APP: variants seen among roughly 807,000 people sequenced by gnomAD.
The protein encoded by APP is amyloid-beta precursor protein.
APP carries 31 observed loss-of-function variants against 101.4 expected under a neutral mutation model. That is an observed-to-expected ratio of 0.31 (90% confidence interval 0.23 to 0.41). APP has a LOEUF of 0.41. APP is among the 10% of genes least tolerant of loss of function. The pLI, the probability that APP is intolerant of heterozygous loss-of-function variation, is 1.00. For synonymous variants in APP, 366 were observed against 364.4 expected, an observed-to-expected ratio of 1.00 and a Z score of -0.05; for missense variants, 839 against 1,003.7, an observed-to-expected ratio of 0.84 and a Z score of 2.22.
intron 14 of APP, among the ~76,000 whole-genome samples, chr21:25,909,766 T>C (rs1281447413): frequency 2.0e-5 from 3 of 152,180 alleles, no homozygotes; most frequent in Non-Finnish European, 2.9e-5. Context: ...CCAAAATCTA[T>C]CTACCTGTAA....
chr21:25,895,588 A>G (rs1357129829), intron 16 of APP, among the ~76,000 whole-genome samples: 1 of 152,154 alleles, frequency 6.6e-6, no homozygotes. Context: ...AATTCTTTCA[A>G]TTTAGCCTCA....
At chr21:25,981,217 T>G (rs1237154750) in intron 9 of APP, among the ~76,000 whole-genome samples, 2 of 152,222 alleles carry the variant, frequency 1.3e-5, no homozygotes, top group African/African-American at 4.8e-5. Flanking sequence ...AAAGATTAAT[T>G]GTCTACTAAA....
intron 1 of APP, among the ~76,000 whole-genome samples, chr21:26,158,516 A>G (rs1017284147): frequency 2.0e-5 from 3 of 152,174 alleles, no homozygotes; most frequent in African/African-American, 7.2e-5. Context: ...TCGAGGTGTC[A>G]CTATCTGGCC....
At chr21:25,960,467 ACT>A (rs1301697049) in intron 11 of APP, among the ~76,000 whole-genome samples, 1 of 148,870 alleles carries the variant, frequency 6.7e-6, no homozygotes, top group Non-Finnish European at 1.5e-5. Context: ...CCTAGGCAAA[ACT>A]CTTGGTGGGC....
chr21:26,111,258 GAACT>G (rs1232532265), intron 2 of APP, among the ~76,000 whole-genome samples: 3 of 151,962 alleles, frequency 2.0e-5, no homozygotes, highest in South Asian at 2.1e-4. Flanking sequence ...ATATTTCATA[GAACT>G]AACATGATAG....
intron 8 of APP, among the ~76,000 whole-genome samples, chr21:25,989,922 TA>T (rs58821939): frequency 0.33 from 47,822 of 145,104 alleles, 8,612 homozygotes; most frequent in African/African-American, 0.51. Flanking sequence ...AAAGTGTCTC[TA>T]AAAAAAAAAA....
At chr21:26,003,680 A>G (rs1247472582) in intron 6 of APP, among the ~76,000 whole-genome samples, 1 of 152,220 alleles carries the variant, frequency 6.6e-6, no homozygotes, top group African/African-American at 2.4e-5. Context: ...ACTGGTTCTC[A>G]TCTGCTGACA....
At chr21:25,929,298 T>C (rs1209745734) in intron 13 of APP, among the ~76,000 whole-genome samples, 1 of 152,174 alleles carries the variant, frequency 6.6e-6, no homozygotes, top group Non-Finnish European at 1.5e-5. Context: ...TTACTAATTA[T>C]AAGAGTAACA....
intron 11 of APP, among the ~76,000 whole-genome samples, chr21:25,970,474 C>G (rs2041989246): frequency 6.6e-6 from 1 of 152,128 alleles, no homozygotes; most frequent in Admixed American, 6.5e-5. Context: ...CCAGCCTATC[C>G]TTCTCTGGCA....
intron 5 of APP, among the ~76,000 whole-genome samples, chr21:26,043,998 T>A (rs1391650617): frequency 1.3e-5 from 2 of 152,236 alleles, no homozygotes; most frequent in Non-Finnish European, 2.9e-5. Flanking sequence ...AATTATTTCA[T>A]CATTAGCCAT....
At chr21:26,121,772 C>T (rs985391931) in intron 1 of APP, among the ~76,000 whole-genome samples, 4 of 152,210 alleles carry the variant, frequency 2.6e-5, no homozygotes, top group Non-Finnish European at 5.9e-5. Flanking sequence ...AAGGCTTACG[C>T]TAATATGCTT....
At position 26,082,896 on chromosome 21, in the gene APP, C is replaced by A. The variant is rs541406384; in HGVS notation, c.355+7047G>T. On this transcript the variant is annotated intron_variant, in intron 3 of 17. Coordinates refer to ENST00000346798, the MANE Select transcript of APP (RefSeq NM_000484.4). ...TTGGTCAATTTTGTAGGACTTATTT[C>A]TCTGAGAATATTCAATTAACTACTT... Among the ~76,000 whole-genome samples, 178 of 152,204 alleles carry A rather than the reference C, an allele frequency of 1.2e-3. 8 individuals are homozygous for A. In the South Asian group the frequency reaches 0.034, roughly 29 times the overall value.
intron 5 of APP, among the ~76,000 whole-genome samples, chr21:26,043,962 T>C (rs1372696804): frequency 6.6e-6 from 1 of 152,212 alleles, no homozygotes; most frequent in East Asian, 1.9e-4. Flanking sequence ...TGTGTTCCTA[T>C]GTTACAAAAT....
chr21:26,008,588 G>C (rs771674157), intron 6 of APP, among the ~76,000 whole-genome samples: 9 of 152,146 alleles, frequency 5.9e-5, no homozygotes, highest in Non-Finnish European at 1.2e-4. Context: ...CCCACCATTG[G>C]TATTTCAAGC....
rs757700322 is a variant in APP at position 25,955,691 on chromosome 21, G to A, written c.1523C>T (p.Thr508Ile). The A allele has an allele frequency of 1.2e-6, 2 of 1,614,172 alleles. No homozygotes were observed. The highest frequency in any genetic ancestry group is 3.3e-5 in the Admixed American group (2 of 60,018). ...VRAEQKDRQHTLKHFEHVRMV... is the reference protein window; with the variant it reads ...VRAEQKDRQHILKHFEHVRMV... ...GCGCACATGCTCGAAATGCTTTAGGGTGTGCTGTCTGTCCTTCTGTTCTGC... is the reference window on the plus strand; with the variant it reads ...GCGCACATGCTCGAAATGCTTTAGGATGTGCTGTCTGTCCTTCTGTTCTGC... Residue 508 changes from threonine to isoleucine, a missense_variant, in exon 12 of 18, where the codon ACC becomes ATC. By Grantham distance (89) the Thr-to-Ile change is moderately conservative. Transcript: ENST00000346798.
chr21:25,988,928 C>T (rs752487695), intron 8 of APP, among the ~76,000 whole-genome samples: 1 of 152,074 alleles, frequency 6.6e-6, no homozygotes, highest in Admixed American at 6.5e-5. Context: ...TACTGATACA[C>T]GCATGCTTGT....
intron 2 of APP, among the ~76,000 whole-genome samples, chr21:26,110,591 T>G (rs1044978315): frequency 5.3e-5 from 8 of 152,320 alleles, no homozygotes; most frequent in African/African-American, 1.9e-4. Context: ...TGTAGATGCT[T>G]TTTGCTTCTC....
Position 26,021,934 on chromosome 21 carries a change from C to G in APP, c.771G>C (p.Glu257Asp). The G allele has an allele frequency of 6.2e-7, 1 of 1,613,430 alleles. No individual in the cohort carries two copies. The highest frequency in any genetic ancestry group is 8.5e-7 in the Non-Finnish European group (1 of 1,179,650). ...TGGCTTCTTCGTAGGGTTCCTCAGC[C>G]TCTTCCTCTACCTCATCACCATCCT... ...DDEDGDEVEE[E>D]AEEPYEEATE... is the part of the protein sequence containing the mutation. Residue 257 changes from glutamate to aspartate, a missense_variant, in exon 6 of 18, where the codon GAG (glutamate) becomes GAC (aspartate). Coordinates refer to ENST00000346798, the MANE Select transcript of APP (RefSeq NM_000484.4).
intron 1 of APP, among the ~76,000 whole-genome samples, chr21:26,135,111 A>T (rs1601544914): frequency 1.3e-5 from 2 of 152,250 alleles, no homozygotes; most frequent in East Asian, 3.8e-4. Flanking sequence ...TAGTGAATAG[A>T]CAGCAAGAGA....
Sources: allele counts gnomAD v4.1 joint callset (sites outside exome capture counted in the v4.1 genomes callset), GRCh38; gene constraint gnomAD v4.1.1; transcripts MANE v1.5; gene names NCBI Gene and HGNC (gene_info 2026-07-23, HGNC 2026-07-21).